TCF7L1: variants seen among roughly 807,000 people sequenced by gnomAD.
The protein encoded by TCF7L1 is transcription factor 7 like 1.
A neutral mutation model predicts 63.7 loss-of-function variants in TCF7L1; 18 were observed. The observed-to-expected ratio is 0.28, with a 90% CI of 0.20 to 0.42. The LOEUF (loss-of-function observed/expected upper bound fraction) is 0.42, where lower values mean the gene tolerates loss of function less well. Among genes scored for constraint, TCF7L1 ranks in the 10% least tolerant of loss-of-function variants. The probability of loss-of-function intolerance (pLI) is 1.00; values close to 1 mark genes in which losing one functional copy is unlikely to be tolerated. For synonymous variants in TCF7L1, 355 were observed against 340.9 expected (o/e 1.04, Z -0.46); for missense variants, 654 against 779.3 (o/e 0.84, Z 1.91).
intron 3 of TCF7L1, among the ~76,000 whole-genome samples, chr2:85,137,793 T>A (rs1313285551): frequency 1.3e-5 from 2 of 151,130 alleles, no homozygotes; most frequent in African/African-American, 4.9e-5. Flanking sequence ...CATTGGAGAC[T>A]GAGGCATGAG....
intron 3 of TCF7L1, among the ~76,000 whole-genome samples, chr2:85,169,443 C>T (rs1390619876): frequency 6.6e-6 from 1 of 151,630 alleles, no homozygotes; most frequent in Non-Finnish European, 1.5e-5. Context: ...TCACTGCAAC[C>T]TCGAACTCCT....
chr2:85,288,081 C>T (rs1477043426), intron 4 of TCF7L1, among the ~76,000 whole-genome samples: 1 of 152,180 alleles, frequency 6.6e-6, no homozygotes, highest in African/African-American at 2.4e-5. Flanking sequence ...ACCACCACCA[C>T]TACCGCTACC....
At chr2:85,253,992 G>A (rs777854066) in intron 3 of TCF7L1, among the ~76,000 whole-genome samples, 7 of 152,208 alleles carry the variant, frequency 4.6e-5, no homozygotes, top group Non-Finnish European at 1.0e-4. Flanking sequence ...TTGGGTCTTT[G>A]GGATGGTTTC....
chr2:85,143,674 A>G (rs1208258922), intron 3 of TCF7L1, among the ~76,000 whole-genome samples: 1 of 152,116 alleles, frequency 6.6e-6, no homozygotes, highest in East Asian at 1.9e-4. Context: ...CTCCCATTCT[A>G]CCCATGTGAT....
At chr2:85,206,239 C>T (rs1353899018) in intron 3 of TCF7L1, among the ~76,000 whole-genome samples, 3 of 152,202 alleles carry the variant, frequency 2.0e-5, no homozygotes, top group African/African-American at 7.2e-5. Flanking sequence ...ATTCTTCCAC[C>T]CACACACCAC....
chr2:85,270,268 C>T lies in TCF7L1; in HGVS notation c.442-13227C>T, dbSNP rs115511950. On this transcript the variant is annotated intron_variant, in intron 3 of 11. Transcript: ENST00000282111. ...GCTTCTCCTCCCATAGGGGAAAGTC[C>T]GTAAACTTTAGAATTCTCAGGCCTG... 9.0e-3 allele frequency among the ~76,000 whole-genome samples: 1,374 copies of T among 152,306 alleles called. 14 individuals are homozygous for T. Among genetic ancestry groups the T allele is most frequent in the African/African-American group, 0.032 (1,321 of 41,570 alleles).
intron 3 of TCF7L1, among the ~76,000 whole-genome samples, chr2:85,142,613 A>G (rs1171325844): frequency 6.6e-6 from 1 of 151,956 alleles, no homozygotes; most frequent in Non-Finnish European, 1.5e-5. Context: ...CATATAGAAA[A>G]CCGTCCCAGA....
intron 11 of TCF7L1, among the ~76,000 whole-genome samples, chr2:85,308,096 G>A (rs899279819): frequency 3.3e-5 from 5 of 152,170 alleles, no homozygotes; most frequent in Non-Finnish European, 5.9e-5. Flanking sequence ...ATCCAGGGGA[G>A]CCCGGGTTTC....
At chr2:85,283,085 G>C (rs768098001) in intron 3 of TCF7L1, among the ~76,000 whole-genome samples, 52 of 151,874 alleles carry the variant, frequency 3.4e-4, no homozygotes, top group Non-Finnish European at 6.9e-4. Flanking sequence ...GATGGAAATG[G>C]ATGGGGCAGG....
chr2:85,307,602 T>A, intron 10 of TCF7L1, 40 bp from the exon 11 acceptor site: 1 of 1,590,212 alleles, frequency 6.3e-7, no homozygotes, highest in Non-Finnish European at 8.6e-7. Flanking sequence ...CCAGCATTCT[T>A]CTCTCCCAGC....
intron 3 of TCF7L1, among the ~76,000 whole-genome samples, chr2:85,148,606 C>G (rs528104953): frequency 6.6e-6 from 1 of 151,730 alleles, no homozygotes; most frequent in Non-Finnish European, 1.5e-5. Flanking sequence ...AGGAGTTGTT[C>G]GAGGCTGAAA....
At chr2:85,142,482 A>T (rs75632482) in intron 3 of TCF7L1, among the ~76,000 whole-genome samples, 11,160 of 127,060 alleles carry the variant, frequency 0.088, 494 homozygotes, top group Middle Eastern at 0.12. Flanking sequence ...TATATATATA[A>T]TATATATATA....
chr2:85,162,013 G>A (rs1412063693), intron 3 of TCF7L1, among the ~76,000 whole-genome samples: 1 of 152,012 alleles, frequency 6.6e-6, no homozygotes, highest in East Asian at 1.9e-4. Flanking sequence ...TCAAGATAGA[G>A]GTTTGGAGAG....
At chr2:85,146,130 C>G (rs1242312470) in intron 3 of TCF7L1, among the ~76,000 whole-genome samples, 1 of 152,288 alleles carries the variant, frequency 6.6e-6, no homozygotes, top group East Asian at 1.9e-4. Flanking sequence ...AAAAATAGCC[C>G]CATAAGCACC....
At chr2:85,230,433 A>G (rs1179294258) in intron 3 of TCF7L1, among the ~76,000 whole-genome samples, 1 of 152,122 alleles carries the variant, frequency 6.6e-6, no homozygotes, top group Non-Finnish European at 1.5e-5. Context: ...TCCTGGGTTC[A>G]AGTGATTTTC....
chr2:85,157,455 G>T (rs1401888388), intron 3 of TCF7L1, among the ~76,000 whole-genome samples: 1 of 152,218 alleles, frequency 6.6e-6, no homozygotes, highest in Non-Finnish European at 1.5e-5. Context: ...GAGAGGTCAA[G>T]ATCCTTGCCT....
chr2:85,202,178 G>C (rs560102317), intron 3 of TCF7L1, among the ~76,000 whole-genome samples: 3 of 152,128 alleles, frequency 2.0e-5, no homozygotes, highest in Admixed American at 2.0e-4. Flanking sequence ...TGGCCAGGCT[G>C]GTCTCTAATC....
intron 4 of TCF7L1, among the ~76,000 whole-genome samples, chr2:85,297,537 G>A (rs570424412): frequency 6.6e-6 from 1 of 152,152 alleles, no homozygotes; most frequent in African/African-American, 2.4e-5. Flanking sequence ...TGAAAGTCAT[G>A]CTCTCAGGCC....
rs138067915 is a variant in TCF7L1, at chr2:85,142,432, ATGTGTGTGTGTGTG to A, written c.441+8002_441+8015del. ...GACCCTGTTTCCAAAAAAAAAAAAA[ATGTGTGTGTGTGTG>A]TGTGTGTGTGTGTGTGTGTTGTGTG... On this transcript the variant is annotated intron_variant, in intron 3 of 11. Coordinates refer to ENST00000282111, the MANE Select transcript of TCF7L1 (RefSeq NM_031283.3). Among the ~76,000 whole-genome samples, 476 of 138,050 alleles carry A rather than the reference ATGTGTGTGTGTGTG, an allele frequency of 3.4e-3. 8 individuals are homozygous for A. The highest frequency in any genetic ancestry group is 6.9e-3 in the African/African-American group (251 of 36,570). 90.6% of individuals were successfully genotyped at this position (138,050 alleles called of 152,430 possible).
Sources: gnomAD v4.1 joint callset for allele counts (sites outside exome capture counted in the v4.1 genomes callset) on GRCh38, gnomAD v4.1.1 for gene constraint, MANE v1.5 for transcripts, NCBI Gene and HGNC (gene_info 2026-07-23, HGNC 2026-07-21) for gene names.